Variants in CEP112 observed in about 807,000 individuals in gnomAD.
The protein encoded by CEP112 is centrosomal protein of 112 kDa.
Under a neutral mutation model 153.0 loss-of-function variants are expected in CEP112, and 127 were observed. The ratio of observed to expected loss-of-function variants is 0.83; its 90% CI spans 0.72 to 0.96. The LOEUF (loss-of-function observed/expected upper bound fraction) is 0.96, where lower values mean the gene tolerates loss of function less well. CEP112 is among the 40% of genes least tolerant of loss of function. The pLI is 0.00. For missense variants in CEP112, 1,089 were observed against 1,101.2 expected (o/e 0.99, Z 0.16); for synonymous variants, 358 against 374.4 (o/e 0.96, Z 0.51).
intron 8 of CEP112, among the ~76,000 whole-genome samples, chr17:66,090,397 T>A (rs966813473): frequency 6.6e-6 from 1 of 152,080 alleles, no homozygotes; most frequent in Non-Finnish European, 1.5e-5. Flanking sequence ...TAAAAAGATG[T>A]AAATTGTGTC....
intron 24 of CEP112, among the ~76,000 whole-genome samples, chr17:65,656,836 C>T (rs756728274): frequency 1.8e-4 from 27 of 152,154 alleles, no homozygotes; most frequent in African/African-American, 2.9e-4. Flanking sequence ...GATGAATGAA[C>T]GAATCACACA....
intron 20 of CEP112, among the ~76,000 whole-genome samples, chr17:65,872,325 T>C (rs1275107076): frequency 2.0e-5 from 3 of 151,940 alleles, no homozygotes; most frequent in African/African-American, 4.8e-5. Context: ...AACTGGCCAA[T>C]AGACATTAGA....
intron 4 of CEP112, among the ~76,000 whole-genome samples, chr17:66,144,430 T>C (rs2070836220): frequency 6.6e-6 from 1 of 152,166 alleles, no homozygotes; most frequent in Admixed American, 6.6e-5. Flanking sequence ...CAGTGGCTCA[T>C]ACCTGTAATC....
intron 6 of CEP112, among the ~76,000 whole-genome samples, chr17:66,105,573 T>G (rs1427592782): frequency 6.6e-6 from 1 of 152,072 alleles, no homozygotes; most frequent in African/African-American, 2.4e-5. Context: ...GTGGGCAGAT[T>G]GCTTGAGCTC....
intron 4 of CEP112, among the ~76,000 whole-genome samples, chr17:66,150,073 T>C (rs1003537524): frequency 6.7e-6 from 1 of 148,994 alleles, no homozygotes; most frequent in Non-Finnish European, 1.5e-5. Context: ...TTTTTTTTTT[T>C]TTTTTTTAAG....
At chr17:65,707,682 A>G (rs1291612728) in intron 23 of CEP112, among the ~76,000 whole-genome samples, 1 of 152,232 alleles carries the variant, frequency 6.6e-6, no homozygotes, top group Non-Finnish European at 1.5e-5. Context: ...CTTTCTGATT[A>G]AAGTTTCTTG....
Position 65,952,537 on chromosome 17 carries a change from C to A in CEP112, c.1872+8926G>T, listed in dbSNP as rs79205223. 5.4e-3 allele frequency among the ~76,000 whole-genome samples: 828 copies of A among 152,024 alleles called. 7 individuals carry two copies. The highest frequency in any genetic ancestry group is 0.018 in the African/African-American group (748 of 41,448). On this transcript the variant is annotated intron_variant, in intron 18 of 26. Transcript: ENST00000535342. Reference sequence around the variant, plus strand: ...CCTTCTGAGGAATATTTTGGTTGCCCAAGTTTTGAGCTTTTATGAACAAAT... The same window carrying A: ...CCTTCTGAGGAATATTTTGGTTGCCAAAGTTTTGAGCTTTTATGAACAAAT...
At chr17:65,759,905 G>C (rs375737916) in intron 21 of CEP112, among the ~76,000 whole-genome samples, 16 of 152,244 alleles carry the variant, frequency 1.1e-4, no homozygotes, top group African/African-American at 3.6e-4. Context: ...TTAAGTAGAA[G>C]ATGCATTTAA....
chr17:65,893,650 T>C (rs2059556783), intron 20 of CEP112, among the ~76,000 whole-genome samples: 1 of 152,126 alleles, frequency 6.6e-6, no homozygotes, highest in African/African-American at 2.4e-5. Context: ...AACTTTCTAC[T>C]TAATGACAAT....
intron 20 of CEP112, among the ~76,000 whole-genome samples, chr17:65,868,563 G>C (rs1335237645): frequency 6.6e-6 from 1 of 150,516 alleles, no homozygotes; most frequent in Non-Finnish European, 1.5e-5. Context: ...CAAATATATA[G>C]AATTGATGTT....
chr17:66,175,184 TC>T lies in CEP112; in HGVS notation c.329del (p.Arg110GlnfsTer25). On this transcript the variant is annotated frameshift_variant, in exon 4 of 27. Coordinates refer to ENST00000535342, the MANE Select transcript of CEP112 (RefSeq NM_001199165.4). LOFTEE classifies it high-confidence loss of function. ...SIYFDEPNPA[R>X]AKGSSPEGLP... The stretch of plus-strand genomic sequence containing the variant: ...ATCCCTCTGGGCTTGAACCTTTTGC[TC>T]GTGCTGGATTTGGTTCATCAAAATA... The T allele has an allele frequency of 6.3e-7, 1 of 1,599,922 alleles. No homozygotes were observed. Among genetic ancestry groups the T allele is most frequent in the South Asian group, 1.1e-5 (1 of 87,948 alleles).
At chr17:65,903,343 T>C (rs2143601607) in intron 19 of CEP112, 1 of 152,366 alleles carries the variant, frequency 6.6e-6, no homozygotes, top group Non-Finnish European at 1.5e-5. Flanking sequence ...CGATCTTGTT[T>C]CGTGCAATGA....
intron 24 of CEP112, among the ~76,000 whole-genome samples, chr17:65,657,962 T>C (rs2046142814): frequency 6.6e-6 from 1 of 152,232 alleles, no homozygotes; most frequent in African/African-American, 2.4e-5. Context: ...GTAAAGGTTA[T>C]GTCAACAAAT....
At chr17:65,890,646 G>A (rs371342113) in intron 20 of CEP112, among the ~76,000 whole-genome samples, 1 of 152,140 alleles carries the variant, frequency 6.6e-6, no homozygotes, top group Non-Finnish European at 1.5e-5. Flanking sequence ...TCAGAAAGAT[G>A]CTGGCATTGT....
chr17:65,971,681 T>C (rs1052833973), intron 17 of CEP112, among the ~76,000 whole-genome samples: 1 of 152,312 alleles, frequency 6.6e-6, no homozygotes, highest in Non-Finnish European at 1.5e-5. Context: ...ACATGCATAT[T>C]ACATGCGTGT....
At chr17:65,970,153 T>C (rs906422480) in intron 17 of CEP112, among the ~76,000 whole-genome samples, 2 of 152,190 alleles carry the variant, frequency 1.3e-5, no homozygotes, top group Non-Finnish European at 2.9e-5. Flanking sequence ...TTTGCATGTG[T>C]ATAGCAAACA....
chr17:65,720,870 GA>G (rs1211016681), intron 23 of CEP112, among the ~76,000 whole-genome samples: 1 of 152,108 alleles, frequency 6.6e-6, no homozygotes, highest in African/African-American at 2.4e-5. Flanking sequence ...TCTCATTTTG[GA>G]AATGAGGAAA....
chr17:65,781,492 A>G (rs1039294985), intron 21 of CEP112, among the ~76,000 whole-genome samples: 1 of 152,130 alleles, frequency 6.6e-6, no homozygotes, highest in Non-Finnish European at 1.5e-5. Context: ...CAGAATTGGA[A>G]AAAAAACTGT....
intron 20 of CEP112, among the ~76,000 whole-genome samples, chr17:65,885,720 T>C (rs1258727222): frequency 6.6e-6 from 1 of 152,228 alleles, no homozygotes; most frequent in Non-Finnish European, 1.5e-5. Flanking sequence ...GATGAAACTG[T>C]TTTTCCTTGT....
Sources: allele counts gnomAD v4.1 joint callset (sites outside exome capture counted in the v4.1 genomes callset), GRCh38; gene constraint gnomAD v4.1.1; transcripts MANE v1.5; gene names NCBI Gene and HGNC (gene_info 2026-07-23, HGNC 2026-07-21).